The following POU6F2 variants were observed in gnomAD, a reference collection of about 807,000 sequenced individuals.
POU6F2 encodes POU class 6 homeobox 2.
Under a neutral mutation model 71.3 loss-of-function variants are expected in POU6F2, and 31 were observed. The observed-to-expected ratio is 0.43, with a 90% CI of 0.33 to 0.59. The LOEUF (loss-of-function observed/expected upper bound fraction) is 0.59, where lower values mean the gene tolerates loss of function less well. POU6F2 is among the 20% of genes least tolerant of loss of function. The pLI is 0.04. For synonymous variants in POU6F2, 347 were observed against 355.7 expected, an observed-to-expected ratio of 0.98 and a Z score of 0.27; for missense variants, 783 against 856.8, an observed-to-expected ratio of 0.91 and a Z score of 1.07.
At chr7:39,160,495 C>T (rs537167034) in intron 2 of POU6F2, among the ~76,000 whole-genome samples, 2 of 152,230 alleles carry the variant, frequency 1.3e-5, no homozygotes, top group South Asian at 2.1e-4. Flanking sequence ...CTATGACAAA[C>T]ACCTCAGCTA....
chr7:39,118,112 G>A (rs775009528), intron 2 of POU6F2, among the ~76,000 whole-genome samples: 2 of 152,062 alleles, frequency 1.3e-5, no homozygotes, highest in African/African-American at 4.8e-5. Context: ...AAATTACAGG[G>A]TTCTTCTCTG....
intron 1 of POU6F2, among the ~76,000 whole-genome samples, chr7:39,035,813 T>A (rs1790049567): frequency 6.6e-6 from 1 of 152,124 alleles, no homozygotes; most frequent in East Asian, 1.9e-4. Context: ...TTTAATTTAT[T>A]AAAAGAAGAT....
chr7:39,081,818 A>C (rs1791124869), intron 1 of POU6F2, among the ~76,000 whole-genome samples: 1 of 152,208 alleles, frequency 6.6e-6, no homozygotes, highest in Non-Finnish European at 1.5e-5. Flanking sequence ...AAAATCTGGG[A>C]TACCCCATGA....
chr7:39,363,386 G>A (rs1011760813), intron 5 of POU6F2, among the ~76,000 whole-genome samples: 1 of 152,046 alleles, frequency 6.6e-6, no homozygotes, highest in African/African-American at 2.4e-5. Context: ...TTCTTAACAT[G>A]TTAGTTTTAG....
At chr7:39,451,355 T>G (rs1294544334) in intron 7 of POU6F2, among the ~76,000 whole-genome samples, 178 bp from the exon 8 acceptor site, 1 of 132,840 alleles carries the variant, frequency 7.5e-6, no homozygotes, top group African/African-American at 3.1e-5. Context: ...AGTGGCAATA[T>G]GTGCTCTACA....
At chr7:39,379,411 G>T (rs753647114) in intron 5 of POU6F2, among the ~76,000 whole-genome samples, 2 of 152,048 alleles carry the variant, frequency 1.3e-5, no homozygotes, top group Non-Finnish European at 2.9e-5. Context: ...TACTCAGCTA[G>T]CCACTTCCCC....
chr7:39,345,399 A>T (rs965582703), intron 5 of POU6F2, among the ~76,000 whole-genome samples: 3 of 152,194 alleles, frequency 2.0e-5, no homozygotes, highest in Non-Finnish European at 2.9e-5. Context: ...CTTTGATCTC[A>T]CTTTCTAGTT....
intron 2 of POU6F2, among the ~76,000 whole-genome samples, chr7:39,087,090 A>G (rs1403494947): frequency 3.3e-5 from 5 of 151,340 alleles, no homozygotes; most frequent in Non-Finnish European, 5.9e-5. Context: ...AAATCATTAC[A>G]TAGACTACTA....
At chr7:39,015,853 A>T (rs1292281471) in intron 1 of POU6F2, among the ~76,000 whole-genome samples, 1 of 20,860 alleles carries the variant, frequency 4.8e-5, no homozygotes, top group Non-Finnish European at 1.4e-4. Context: ...TTATATATAG[A>T]TATATATAAT....
At chr7:39,366,237 T>C (rs1786498794) in intron 5 of POU6F2, among the ~76,000 whole-genome samples, 1 of 151,910 alleles carries the variant, frequency 6.6e-6, no homozygotes, top group African/African-American at 2.4e-5. Flanking sequence ...GTGTGGTCAT[T>C]GACAATACCA....
At chr7:39,390,836 T>C (rs1787059898) in intron 5 of POU6F2, among the ~76,000 whole-genome samples, 1 of 151,818 alleles carries the variant, frequency 6.6e-6, no homozygotes, top group South Asian at 2.1e-4. Context: ...AGGGTTTTCT[T>C]GTTTTTTGTT....
chr7:38,986,566 T>C (rs1348937776), intron 1 of POU6F2, among the ~76,000 whole-genome samples: 3 of 152,092 alleles, frequency 2.0e-5, no homozygotes, highest in Non-Finnish European at 4.4e-5. Context: ...GTGGAACATC[T>C]GAGTAAAAGT....
At chr7:39,142,670 C>T (rs553988603) in intron 2 of POU6F2, among the ~76,000 whole-genome samples, 2 of 152,222 alleles carry the variant, frequency 1.3e-5, no homozygotes, top group Admixed American at 6.5e-5. Context: ...TTCAGAAATA[C>T]GTTGAGTCCT....
At chr7:39,102,802 A>G (rs998348531) in intron 2 of POU6F2, among the ~76,000 whole-genome samples, 3 of 152,216 alleles carry the variant, frequency 2.0e-5, no homozygotes, top group African/African-American at 7.2e-5. Flanking sequence ...GGAGCCTACT[A>G]CACACTTAGG....
At chr7:39,385,969 T>G (rs2115812967) in intron 5 of POU6F2, among the ~76,000 whole-genome samples, 1 of 152,006 alleles carries the variant, frequency 6.6e-6, no homozygotes, top group South Asian at 2.1e-4. Context: ...ATACAAATAA[T>G]TAGCCAGGTG....
chr7:39,221,146 A>G (rs1312462767), intron 4 of POU6F2, among the ~76,000 whole-genome samples: 1 of 152,104 alleles, frequency 6.6e-6, no homozygotes, highest in East Asian at 1.9e-4. Flanking sequence ...TGGGCAACAC[A>G]GGCCTAGAGG....
rs117012875 is a variant in POU6F2, at chr7:39,456,855, G to A, written c.1490-3692G>A. On this transcript the variant is annotated intron_variant, in intron 8 of 9. Transcript: ENST00000518318. Reference sequence around the variant, plus strand: ...TAAGTAGAACCAGGAGAAAATACAAGAGTGGAAACTGTCAGAGGAAGAAGA... The same window carrying A: ...TAAGTAGAACCAGGAGAAAATACAAAAGTGGAAACTGTCAGAGGAAGAAGA... 1.1e-4 allele frequency among the ~76,000 whole-genome samples: 17 copies of A among 152,294 alleles called. No individual in the cohort carries two copies. The East Asian group carries it at 3.1e-3, about 28-fold the overall frequency.
rs1562559073 is a variant in POU6F2, at chr7:39,454,698, ATATATATATATATATATATATATATATAT to A, written c.1489+2998_1489+3026del. Among the ~76,000 whole-genome samples the A allele has an allele frequency of 6.7e-4, 39 of 58,514 alleles. 1 individual carries two copies. Among genetic ancestry groups the A allele is most frequent in the Non-Finnish European group, 1.1e-3 (30 of 28,306 alleles). The allele number at this position is 58,514 out of a possible 152,430, so 38.4% of individuals were successfully genotyped here. A position where few individuals can be genotyped will look rare whatever the true frequency, so the allele number is the denominator to read the frequency against. ...TATATATATATATATATATATATATATATATATATATATATATATATATATATATAAAATAAGATATATATATATCTTAT... is the reference window on the plus strand; with the variant it reads ...TATATATATATATATATATATATATAAAAATAAGATATATATATATCTTAT... On this transcript the variant is annotated intron_variant, in intron 8 of 9. Transcript: ENST00000518318.
intron 2 of POU6F2, among the ~76,000 whole-genome samples, chr7:39,183,262 T>C (rs894815681): frequency 1.3e-5 from 2 of 152,192 alleles, no homozygotes; most frequent in Non-Finnish European, 1.5e-5. Flanking sequence ...GCTGTATTAG[T>C]CTGTTCTCAC....
Sources: allele counts gnomAD v4.1 joint callset (sites outside exome capture counted in the v4.1 genomes callset), GRCh38; gene constraint gnomAD v4.1.1; transcripts MANE v1.5; gene names NCBI Gene and HGNC (gene_info 2026-07-23, HGNC 2026-07-21).